Variants in ZNF469 observed in about 807,000 individuals in gnomAD.
ZNF469 encodes the protein zinc finger protein 469.
ZNF469 carries 1 observed loss-of-function variant against 1.0 expected under a neutral mutation model. The ratio of observed to expected loss-of-function variants is 1.00; its 90% CI spans 0.35 to 4.73. The LOEUF is 4.73. Among genes scored for constraint, ZNF469 ranks in the 30% most tolerant of loss-of-function variants. The probability of loss-of-function intolerance (pLI) is 0.16; values close to 1 mark genes in which losing one functional copy is unlikely to be tolerated. For synonymous variants in ZNF469, 2,703 were observed against 2,363.4 expected (o/e 1.14, Z -4.17); for missense variants, 6,100 against 5,356.3 (o/e 1.14, Z -4.33).
chr16:88,230,572 TCGC>T, the ZNF469 span, among the ~76,000 whole-genome samples: 4 of 130,370 alleles, frequency 3.1e-5, 1 homozygote, highest in Admixed American at 2.3e-4. Context: ...TGAGCAGGTG[TCGC>T]TGTGGGTAAC....
rs1251015552 is a variant in ZNF469, at chr16:88,424,896, C to T, written c.-127+25C>T. On this transcript the variant is annotated intron_variant, in intron 2 of 2. Coordinates refer to ENST00000565624, the MANE Select transcript of ZNF469 (RefSeq NM_001367624.2). The surrounding 1 kb of genome is among the most constrained non-coding windows in gnomAD (Gnocchi z 4.3). ...GGTATGTACAGGCAGCAGCCTGCAC[C>T]GAGGCTGGCCACAGATGCTCTGGTC... Among the ~76,000 whole-genome samples, 1 of 152,136 alleles carries T rather than the reference C, an allele frequency of 6.6e-6. No homozygotes were observed. The highest frequency in any genetic ancestry group is 2.4e-5 in the African/African-American group (1 of 41,418).
chr16:88,396,972 AGGAGGAGACCCTCCTGAAGGGAGGCCG>A (rs1567500244), intron 1 of ZNF469, among the ~76,000 whole-genome samples: 57 of 83,104 alleles, frequency 6.9e-4, no homozygotes, highest in East Asian at 6.8e-3. Flanking sequence ...AAGGGAGGCC[AGGAGGAGACCCTCCTGAAGGGAGGCCG>A]GGAGGAGACC....
At chr16:88,320,925 C>T in the ZNF469 span, among the ~76,000 whole-genome samples, 1 of 152,268 alleles carries the variant, frequency 6.6e-6, no homozygotes, top group East Asian at 1.9e-4. Context: ...GAGTTCAGGA[C>T]GCAGATGCAG....
chr16:88,307,458 C>T, the ZNF469 span, among the ~76,000 whole-genome samples: 15 of 152,340 alleles, frequency 9.8e-5, no homozygotes, highest in East Asian at 9.6e-4. Context: ...TACATTCCCA[C>T]GGGCAGTGTG....
the ZNF469 span, among the ~76,000 whole-genome samples, chr16:88,326,364 C>T: frequency 6.6e-6 from 1 of 152,320 alleles, no homozygotes; most frequent in South Asian, 2.1e-4. Flanking sequence ...ATTGTGAGGT[C>T]TCCCCAGCCA....
chr16:88,321,616 T>G, the ZNF469 span, among the ~76,000 whole-genome samples: 11 of 152,074 alleles, frequency 7.2e-5, no homozygotes, highest in South Asian at 4.2e-4. Flanking sequence ...TGGCCTCAGA[T>G]TCTGCATGTA....
chr16:88,413,259 G>A (rs1905222801), intron 1 of ZNF469, among the ~76,000 whole-genome samples: 1 of 152,238 alleles, frequency 6.6e-6, no homozygotes, highest in Admixed American at 6.5e-5. Context: ...AAATGGCTGG[G>A]TGCTGAGGCT....
At chr16:88,208,580 A>C in the ZNF469 span, among the ~76,000 whole-genome samples, 1 of 45,658 alleles carries the variant, frequency 2.2e-5, no homozygotes, top group African/African-American at 6.7e-5. Flanking sequence ...AGAGGGAAGG[A>C]GAGAGGGAGG....
At chr16:88,238,962 C>G in the ZNF469 span, among the ~76,000 whole-genome samples, 1 of 152,258 alleles carries the variant, frequency 6.6e-6, no homozygotes, top group Non-Finnish European at 1.5e-5. Context: ...GAGATACAGT[C>G]CAGCCTCCTT....
chr16:88,263,539 T>C, the ZNF469 span, among the ~76,000 whole-genome samples: 1 of 152,002 alleles, frequency 6.6e-6, no homozygotes, highest in African/African-American at 2.4e-5. Flanking sequence ...GTGGGGTTGG[T>C]TGGCTGAGGG....
chr16:88,344,899 C>T, the ZNF469 span, among the ~76,000 whole-genome samples: 45 of 152,354 alleles, frequency 3.0e-4, no homozygotes, highest in African/African-American at 8.4e-4. Flanking sequence ...CTCCATCACC[C>T]GGCCTCTGGG....
At chr16:88,103,359 C>T in the ZNF469 span, among the ~76,000 whole-genome samples, 3 of 152,256 alleles carry the variant, frequency 2.0e-5, no homozygotes, top group Non-Finnish European at 4.4e-5. Context: ...CTATCCTTCA[C>T]ACCAAGCTGG....
At chr16:88,392,056 A>G (rs1180403540) in intron 1 of ZNF469, among the ~76,000 whole-genome samples, 1 of 152,254 alleles carries the variant, frequency 6.6e-6, no homozygotes, top group African/African-American at 2.4e-5. Context: ...TACAAACTCA[A>G]GCTACCCAAG....
At chr16:88,378,410 A>G (rs530542693), upstream of ZNF469, among the ~76,000 whole-genome samples, 1 of 152,238 alleles carries the variant, frequency 6.6e-6, no homozygotes, top group East Asian at 1.9e-4. Flanking sequence ...GTTCTTGGAG[A>G]GGCCCCGTGA....
In ZNF469 at chr16:88,437,733, C is replaced by T; in HGVS notation, c.10263C>T (p.Ser3421=). The change falls in exon 3 of 3, where the codon AGC becomes AGT. Residue 3421 remains serine, a synonymous_variant. Coordinates refer to ENST00000565624, the MANE Select transcript of ZNF469 (RefSeq NM_001367624.2). The part of the protein sequence containing the change: ...MRIIKKSFAC[S]SCNYTFAKKE... ...TCATCAAGAAGTCCTTCGCCTGCAG[C>T]TCCTGCAACTACACCTTCGCCAAGA... 6.5e-7 allele frequency: 1 copy of T among 1,549,844 alleles called. No individual in the cohort carries two copies. Among genetic ancestry groups the T allele is most frequent in the Non-Finnish European group, 8.7e-7 (1 of 1,146,624 alleles).
chr16:88,374,042 G>A, the ZNF469 span, among the ~76,000 whole-genome samples: 6 of 151,854 alleles, frequency 4.0e-5, no homozygotes, highest in Non-Finnish European at 5.9e-5. Flanking sequence ...AGAGATATGA[G>A]CCATTCCAAG....
the ZNF469 span, among the ~76,000 whole-genome samples, chr16:88,174,322 TA>T: frequency 6.6e-6 from 1 of 152,250 alleles, no homozygotes; most frequent in Non-Finnish European, 1.5e-5. Context: ...TGTACATTCT[TA>T]ATTACAACTT....
At chr16:88,168,804 G>A in the ZNF469 span, among the ~76,000 whole-genome samples, 31 of 152,296 alleles carry the variant, frequency 2.0e-4, no homozygotes, top group African/African-American at 6.5e-4. This position sits in a 1 kb window ranked among gnomAD's most constrained non-coding sequence, Gnocchi z 4.3. Context: ...AGAAAAATAA[G>A]ACTCTGAGGC....
chr16:88,423,657 C>T (rs1597203490), intron 1 of ZNF469, among the ~76,000 whole-genome samples: 1 of 152,346 alleles, frequency 6.6e-6, no homozygotes, highest in East Asian at 1.9e-4. Context: ...GGGGCTGCAG[C>T]ATCATCCAAA....
Sources: allele counts gnomAD v4.1 joint callset (sites outside exome capture counted in the v4.1 genomes callset), GRCh38; gene constraint gnomAD v4.1.1; non-coding constraint Gnocchi (gnomAD v3.1); transcripts MANE v1.5; gene names NCBI Gene and HGNC (gene_info 2026-07-23, HGNC 2026-07-21).